RBM20: variants seen among roughly 807,000 people sequenced by gnomAD.
RBM20 encodes RNA-binding protein 20.
In RBM20, 51 loss-of-function variants were observed where a neutral mutation model predicts 110.1. That is an observed-to-expected ratio of 0.46 (90% CI 0.37 to 0.59). The LOEUF is 0.59. Ranked by LOEUF, RBM20 falls within the 20% of genes least tolerant of loss-of-function variation. RBM20 has a pLI of 0.00. For missense variants in RBM20, 1,512 were observed against 1,574.9 expected (o/e 0.96, Z 0.68); for synonymous variants, 589 against 618.2 (o/e 0.95, Z 0.70).
chr10:110,784,502 C>A, intron 4 of RBM20, 70 bp downstream of exon 4: 2 of 1,134,240 alleles, frequency 1.8e-6, no homozygotes, highest in Non-Finnish European at 2.6e-6. Context: ...TATGTCCTGT[C>A]TTTAATAACC....
intron 12 of RBM20, among the ~76,000 whole-genome samples, chr10:110,826,106 C>T (rs546262733): frequency 5.9e-5 from 9 of 152,308 alleles, no homozygotes; most frequent in Admixed American, 2.6e-4. Flanking sequence ...TACTAAATTG[C>T]ACTCCAAAAA....
intron 1 of RBM20, among the ~76,000 whole-genome samples, chr10:110,708,879 G>A (rs1218621329): frequency 1.3e-5 from 2 of 152,204 alleles, no homozygotes; most frequent in Non-Finnish European, 2.9e-5. Context: ...ATGATTGAGA[G>A]TGTGGCTGGG....
intron 11 of RBM20, chr10:110,822,312 C>G (rs1034837439): frequency 2.4e-6 from 1 of 416,644 alleles, no homozygotes; most frequent in Non-Finnish European, 4.6e-6. Context: ...GCTGTTATTT[C>G]TGTGATGGGG....
intron 9 of RBM20, among the ~76,000 whole-genome samples, chr10:110,817,300 G>T (rs1404444298): frequency 6.6e-6 from 1 of 152,226 alleles, no homozygotes; most frequent in Admixed American, 6.5e-5. Context: ...CTTAGAGCAA[G>T]ACAAGTGTCT....
intron 1 of RBM20, among the ~76,000 whole-genome samples, chr10:110,711,329 C>CAA (rs1157753270): frequency 0.028 from 803 of 28,390 alleles, 202 homozygotes; most frequent in East Asian, 0.039. Flanking sequence ...GACTCCATCT[C>CAA]AAAAAAAAAA....
At chr10:110,807,606 G>A (rs1209927618) in intron 7 of RBM20, among the ~76,000 whole-genome samples, 1 of 152,168 alleles carries the variant, frequency 6.6e-6, no homozygotes, top group Non-Finnish European at 1.5e-5. Flanking sequence ...ATGCACCTGA[G>A]CCCTACCCTC....
In RBM20 at chr10:110,783,363, T is replaced by G. The variant is rs1388082258; in HGVS notation, c.1276-3T>G. 6.4e-7 allele frequency: 1 copy of G among 1,550,474 alleles called. No homozygotes were observed. On this transcript the variant is annotated splice_polypyrimidine_tract_variant and splice_region_variant and intron_variant, in intron 2 of 13. Coordinates refer to ENST00000369519, the MANE Select transcript of RBM20 (RefSeq NM_001134363.3). ...TGGTCACTTTTCTTTCCTTCTGACCTAGGACTGGGAGCTGCATGTGAAAGG... is the reference window on the plus strand; with the variant it reads ...TGGTCACTTTTCTTTCCTTCTGACCGAGGACTGGGAGCTGCATGTGAAAGG...
chr10:110,705,192 A>G (rs7923914), intron 1 of RBM20, among the ~76,000 whole-genome samples: 3,926 of 152,260 alleles, frequency 0.026, 157 homozygotes, highest in African/African-American at 0.089. Flanking sequence ...AAGTTCACAT[A>G]ATGTGTTTGA....
chr10:110,786,239 G>T (rs890224751), intron 5 of RBM20, among the ~76,000 whole-genome samples: 1 of 152,238 alleles, frequency 6.6e-6, no homozygotes, highest in Non-Finnish European at 1.5e-5. Context: ...CTGTTTGTGT[G>T]CCTTAGCCTG....
chr10:110,745,708 A>T (rs1343441411), intron 1 of RBM20, among the ~76,000 whole-genome samples: 2 of 152,154 alleles, frequency 1.3e-5, no homozygotes, highest in Non-Finnish European at 2.9e-5. Context: ...CTACTCCAGG[A>T]GCTGTCACTT....
At chr10:110,801,884 A>C (rs1005122714) in intron 7 of RBM20, among the ~76,000 whole-genome samples, 1 of 151,812 alleles carries the variant, frequency 6.6e-6, no homozygotes, top group Non-Finnish European at 1.5e-5. Flanking sequence ...CTAATTGCGC[A>C]TGGAGATTGA....
chr10:110,789,590 G>C (rs947663762), intron 5 of RBM20, among the ~76,000 whole-genome samples: 8 of 151,980 alleles, frequency 5.3e-5, no homozygotes, highest in Non-Finnish European at 4.4e-5. Flanking sequence ...CCAAGTAACT[G>C]GGACTACAGG....
intron 6 of RBM20, 94 bp downstream of exon 6, chr10:110,797,742 A>G (rs1487344910): frequency 2.2e-6 from 3 of 1,336,684 alleles, no homozygotes; most frequent in African/African-American, 1.5e-5. Context: ...CATTCTTAAC[A>G]TAAAGAGGCG....
At chr10:110,799,579 A>G (rs1844594949) in intron 6 of RBM20, among the ~76,000 whole-genome samples, 1 of 152,214 alleles carries the variant, frequency 6.6e-6, no homozygotes, top group Admixed American at 6.5e-5. Context: ...AAAGATATAG[A>G]GCATTTCCAG....
intron 9 of RBM20, among the ~76,000 whole-genome samples, chr10:110,815,108 G>C (rs1488998083): frequency 1.3e-5 from 2 of 152,200 alleles, no homozygotes; most frequent in Admixed American, 1.3e-4. Context: ...CCTTCCACAG[G>C]GGGCAGGGAA....
At chr10:110,815,421 G>A (rs117684550) in intron 9 of RBM20, among the ~76,000 whole-genome samples, 2,400 of 152,354 alleles carry the variant, frequency 0.016, 30 homozygotes, top group Middle Eastern at 0.027. Context: ...GAGACTCATG[G>A]AAGACACTGT....
intron 5 of RBM20, among the ~76,000 whole-genome samples, chr10:110,791,531 A>G (rs1312798860): frequency 6.6e-6 from 1 of 152,206 alleles, no homozygotes; most frequent in African/African-American, 2.4e-5. Flanking sequence ...GGCTATTTCT[A>G]CCTGCACCAA....
rs1844380566 is a variant in RBM20, at chr10:110,783,493, T to A, written c.1337+66T>A. 2.4e-6 allele frequency: 3 copies of A among 1,270,890 alleles called. No homozygotes were observed. In the South Asian group the frequency reaches 3.9e-5, roughly 16 times the overall value. 78.7% of individuals were successfully genotyped at this position (1,270,890 alleles called of 1,614,324 possible). On this transcript the variant is annotated intron_variant, in intron 3 of 13. Transcript: ENST00000369519. ...ACACATATTCACTGAGCATTTACTG[T>A]GTGTCACACGCTGTTTTGAGTCCTG...
intron 1 of RBM20, among the ~76,000 whole-genome samples, chr10:110,721,347 G>A (rs1327911340): frequency 1.3e-5 from 2 of 152,198 alleles, no homozygotes; most frequent in Admixed American, 6.5e-5. Context: ...GTCGAACCTG[G>A]ACTCTTTCTA....
Sources: allele counts gnomAD v4.1 joint callset (sites outside exome capture counted in the v4.1 genomes callset), GRCh38; gene constraint gnomAD v4.1.1; transcripts MANE v1.5; gene names NCBI Gene and HGNC (gene_info 2026-07-23, HGNC 2026-07-21).